The following ALPL variants were observed in gnomAD, a reference collection of about 807,000 sequenced individuals.
ALPL encodes alkaline phosphatase, tissue-nonspecific isozyme.
A neutral mutation model predicts 51.3 loss-of-function variants in ALPL; 42 were observed. The ratio of observed to expected loss-of-function variants is 0.82; its 90% CI spans 0.64 to 1.06. The LOEUF (loss-of-function observed/expected upper bound fraction) is 1.06, where lower values mean the gene tolerates loss of function less well. Among genes scored for constraint, ALPL ranks in the 50% least tolerant of loss-of-function variants. The pLI is 0.00. For synonymous variants in ALPL, 279 were observed against 296.4 expected, an observed-to-expected ratio of 0.94 and a Z score of 0.60; for missense variants, 589 against 709.4, an observed-to-expected ratio of 0.83 and a Z score of 1.93.
intron 2 of ALPL, among the ~76,000 whole-genome samples, chr1:21,555,426 T>A (rs1558544526): frequency 6.6e-6 from 1 of 152,212 alleles, no homozygotes; most frequent in Non-Finnish European, 1.5e-5. Context: ...CACTTTCTTT[T>A]TGAGACAGAG....
chr1:21,560,640 C>T lies in ALPL; in HGVS notation c.76C>T (p.Pro26Ser). Residue 26 changes from proline to serine, a missense_variant, in exon 3 of 12, where the codon CCC (proline) becomes TCC (serine). By Grantham distance (74) the Pro-to-Ser change is moderately conservative. Transcript: ENST00000374840. ...NSLVPEKEKDPKYWRDQAQET... is the reference protein window; with the variant it reads ...NSLVPEKEKDSKYWRDQAQET... ...TCTGTGTTTAGAGAAAGAGAAAGAC[C>T]CCAAGTACTGGCGAGACCAAGCGCA... 3 of 1,614,094 alleles carry T rather than the reference C, an allele frequency of 1.9e-6. No homozygotes were observed. The highest frequency in any genetic ancestry group is 2.5e-6 in the Non-Finnish European group (3 of 1,180,008).
intron 4 of ALPL, among the ~76,000 whole-genome samples, chr1:21,562,590 A>T (rs1392852909): frequency 6.6e-6 from 1 of 152,066 alleles, no homozygotes; most frequent in Non-Finnish European, 1.5e-5. Context: ...GGTCTCTGCT[A>T]AACATCCGGA....
chr1:21,563,662 C>G (rs539405427), intron 5 of ALPL, among the ~76,000 whole-genome samples: 12 of 152,292 alleles, frequency 7.9e-5, no homozygotes, highest in Admixed American at 2.0e-4. Context: ...CAGCCTGTGC[C>G]CCCAGAAGCT....
intron 8 of ALPL, among the ~76,000 whole-genome samples, chr1:21,573,421 AGT>A (rs1168320744): frequency 2.0e-5 from 3 of 149,000 alleles, no homozygotes; most frequent in African/African-American, 7.4e-5. Flanking sequence ...TGGACAACAG[AGT>A]GAGACTCTGT....
chr1:21,568,636 G>C (rs1024329642), intron 7 of ALPL, among the ~76,000 whole-genome samples: 1 of 152,050 alleles, frequency 6.6e-6, no homozygotes, highest in Non-Finnish European at 1.5e-5. Flanking sequence ...CAGGCGCCCT[G>C]GGGGGACAGA....
intron 1 of ALPL, among the ~76,000 whole-genome samples, chr1:21,522,059 A>G (rs2148068044): frequency 6.6e-6 from 1 of 151,558 alleles, no homozygotes; most frequent in South Asian, 2.1e-4. Flanking sequence ...AGGAGTAACC[A>G]ATACATATGT....
intron 2 of ALPL, among the ~76,000 whole-genome samples, chr1:21,559,606 G>A (rs192277917): frequency 1.3e-4 from 20 of 152,258 alleles, no homozygotes; most frequent in African/African-American, 4.6e-4. Flanking sequence ...TGCAACCTCC[G>A]CCTCCCGGGT....
At chr1:21,525,168 C>G (rs1006948058) in intron 1 of ALPL, among the ~76,000 whole-genome samples, 1 of 152,182 alleles carries the variant, frequency 6.6e-6, no homozygotes, top group Non-Finnish European at 1.5e-5. Context: ...TTGGAGGAAA[C>G]GGATGCTTTC....
intron 1 of ALPL, among the ~76,000 whole-genome samples, chr1:21,515,309 C>A (rs762681924): frequency 2.0e-5 from 3 of 152,132 alleles, no homozygotes; most frequent in Non-Finnish European, 4.4e-5. Context: ...AGAAGTCTAC[C>A]CACCTTGGCC....
intron 7 of ALPL, among the ~76,000 whole-genome samples, 157 bp downstream of exon 7, chr1:21,568,404 T>C (rs543502411): frequency 3.9e-5 from 6 of 152,200 alleles, no homozygotes; most frequent in Admixed American, 2.0e-4. Flanking sequence ...AAGCAGTAGA[T>C]AGTCAGTGAC....
chr1:21,560,518 C>T, intron 2 of ALPL, 108 bp from the exon 3 acceptor site: 1 of 1,467,154 alleles, frequency 6.8e-7, no homozygotes, highest in Non-Finnish European at 9.3e-7. Flanking sequence ...GCACCCACCT[C>T]CAAGTTCAGG....
At chr1:21,562,650 A>C (rs2996665) in intron 4 of ALPL, among the ~76,000 whole-genome samples, 1 of 150,980 alleles carries the variant, frequency 6.6e-6, no homozygotes, top group Non-Finnish European at 1.5e-5. Context: ...CAGAGAAGTC[A>C]GCGCTGGTCT....
In ALPL at chr1:21,577,840, T is replaced by C. The variant is rs1189372786; in HGVS notation, c.*192T>C. The C allele has an allele frequency of 1.3e-6, 1 of 743,762 alleles. No homozygotes were observed. 46.1% of individuals were successfully genotyped at this position (743,762 alleles called of 1,614,324 possible). ...CTTCCCCAAGGGCCAAACCCACTTC[T>C]GGCCTCCAGCCTTTGCTCCCTCCCC... On this transcript the variant is annotated 3_prime_UTR_variant, in exon 12 of 12. Transcript: ENST00000374840.
At chr1:21,576,244 A>G (rs1437927491) in intron 10 of ALPL, among the ~76,000 whole-genome samples, 1 of 123,126 alleles carries the variant, frequency 8.1e-6, no homozygotes, top group Non-Finnish European at 1.9e-5. Context: ...GGATGGATGG[A>G]TGGATGGATG....
intron 8 of ALPL, among the ~76,000 whole-genome samples, chr1:21,571,452 C>T (rs1256669376): frequency 6.6e-6 from 1 of 151,904 alleles, no homozygotes; most frequent in Non-Finnish European, 1.5e-5. Context: ...GTGGGCGGAG[C>T]ACAAGGTCAG....
At chr1:21,566,706 C>G (rs1644570203) in intron 6 of ALPL, among the ~76,000 whole-genome samples, 1 of 152,166 alleles carries the variant, frequency 6.6e-6, no homozygotes, top group South Asian at 2.1e-4. Context: ...CCTCCTGGCT[C>G]AGTCCCTTGA....
chr1:21,562,408 GC>G (rs1335725348), intron 4 of ALPL, among the ~76,000 whole-genome samples: 1 of 152,184 alleles, frequency 6.6e-6, no homozygotes, highest in Non-Finnish European at 1.5e-5. Flanking sequence ...AGTGTGCACT[GC>G]CGGGTAGCTA....
chr1:21,522,353 C>T (rs1352779939), intron 1 of ALPL, among the ~76,000 whole-genome samples: 5 of 152,160 alleles, frequency 3.3e-5, no homozygotes, highest in Admixed American at 2.0e-4. Flanking sequence ...GGATTACAGG[C>T]GTGAGCCACT....
At chr1:21,567,446 C>A (rs531699373) in intron 6 of ALPL, among the ~76,000 whole-genome samples, 1 of 152,204 alleles carries the variant, frequency 6.6e-6, no homozygotes, top group Non-Finnish European at 1.5e-5. Context: ...GGCCCGGCCC[C>A]GCTGTTTGCC....
Sources: gnomAD v4.1 joint callset for allele counts (sites outside exome capture counted in the v4.1 genomes callset) on GRCh38, gnomAD v4.1.1 for gene constraint, MANE v1.5 for transcripts, NCBI Gene and HGNC (gene_info 2026-07-23, HGNC 2026-07-21) for gene names.